The following FSTL5 variants were observed in gnomAD, a reference collection of about 807,000 sequenced individuals.
The protein encoded by FSTL5 is follistatin-related protein 5.
FSTL5 carries 62 observed loss-of-function variants against 89.1 expected under a neutral mutation model. The observed-to-expected ratio is 0.70, with a 90% CI of 0.57 to 0.86. The LOEUF (loss-of-function observed/expected upper bound fraction) is 0.86. Ranked by LOEUF, FSTL5 falls within the 40% of genes least tolerant of loss-of-function variation. The pLI is 0.00. For missense variants in FSTL5, 1,057 were observed against 1,001.6 expected, an observed-to-expected ratio of 1.06 and a Z score of -0.75; for synonymous variants, 383 against 346.2, an observed-to-expected ratio of 1.11 and a Z score of -1.18.
At chr4:162,065,140 C>T (rs1360700513) in intron 2 of FSTL5, among the ~76,000 whole-genome samples, 1 of 151,934 alleles carries the variant, frequency 6.6e-6, no homozygotes, top group African/African-American at 2.4e-5. Flanking sequence ...AGATCTGAAA[C>T]TATAAAACTC....
chr4:161,436,418 T>A (rs1202922195), intron 15 of FSTL5, among the ~76,000 whole-genome samples: 1 of 152,188 alleles, frequency 6.6e-6, no homozygotes, highest in Non-Finnish European at 1.5e-5. Context: ...GGTGAATTAA[T>A]GTTCAATTTT....
intron 15 of FSTL5, among the ~76,000 whole-genome samples, chr4:161,413,262 AAAAAAAAAAAAAAAAAAAAAAT>A (rs1215303257): frequency 6.0e-5 from 1 of 16,704 alleles, no homozygotes; most frequent in Non-Finnish European, 2.0e-4. Context: ...CTCAAAAAAA[AAAAAAAAAAAAAAAAAAAAAAT>A]AAAGACACAC....
chr4:161,779,036 G>C (rs1049088003), intron 4 of FSTL5, among the ~76,000 whole-genome samples: 1 of 152,194 alleles, frequency 6.6e-6, no homozygotes, highest in Admixed American at 6.5e-5. Flanking sequence ...TGGCATTGGG[G>C]AGATCTGAAT....
intron 4 of FSTL5, among the ~76,000 whole-genome samples, chr4:161,862,096 T>C (rs762333871): frequency 4.6e-5 from 7 of 152,226 alleles, no homozygotes; most frequent in Non-Finnish European, 7.3e-5. Flanking sequence ...AAAACATTTT[T>C]AAAACTCTGT....
chr4:161,863,848 G>T (rs1731995176), intron 4 of FSTL5, among the ~76,000 whole-genome samples: 1 of 152,142 alleles, frequency 6.6e-6, no homozygotes, highest in Non-Finnish European at 1.5e-5. Flanking sequence ...GAGGGGTCTG[G>T]CCACTTCTGG....
intron 3 of FSTL5, among the ~76,000 whole-genome samples, chr4:161,979,374 A>C (rs115685231): frequency 0.011 from 1,607 of 152,280 alleles, 36 homozygotes; most frequent in African/African-American, 0.037. Context: ...ATGCCACTAC[A>C]TAAGAGTGTA....
intron 14 of FSTL5, among the ~76,000 whole-genome samples, chr4:161,456,604 T>A (rs942878518): frequency 6.6e-6 from 1 of 152,168 alleles, no homozygotes; most frequent in African/African-American, 2.4e-5. Flanking sequence ...CTTGCCCATA[T>A]TTTTGGTTTT....
intron 4 of FSTL5, among the ~76,000 whole-genome samples, chr4:161,833,939 TA>T (rs1253142720): frequency 3.3e-5 from 5 of 152,146 alleles, no homozygotes; most frequent in Non-Finnish European, 5.9e-5. Context: ...GTTAGCTGGT[TA>T]TTTTGCTCGT....
At chr4:161,697,609 G>A (rs888289834) in intron 6 of FSTL5, among the ~76,000 whole-genome samples, 11 of 151,962 alleles carry the variant, frequency 7.2e-5, no homozygotes, top group South Asian at 2.1e-4. Context: ...CGTAAGTGCC[G>A]GCCAATGGAC....
At position 161,607,432 on chromosome 4, in the gene FSTL5, A is replaced by G. The variant is rs1301817327; in HGVS notation, c.895-19857T>C. Among the ~76,000 whole-genome samples, 3 of 152,148 alleles carry G rather than the reference A, an allele frequency of 2.0e-5. No homozygotes were observed. The East Asian group carries it at 5.8e-4, about 29-fold the overall frequency. On this transcript the variant is annotated intron_variant, in intron 7 of 15. Coordinates refer to ENST00000306100, the MANE Select transcript of FSTL5 (RefSeq NM_020116.5). ...CAGCTGAAATATATATAATACTATA[A>G]AATACTATAAAACTATGGCTTCTTT...
At chr4:161,814,462 T>C (rs933359223) in intron 4 of FSTL5, among the ~76,000 whole-genome samples, 1 of 152,170 alleles carries the variant, frequency 6.6e-6, no homozygotes, top group African/African-American at 2.4e-5. Context: ...ACTGATTACA[T>C]TGGCATTATT....
Position 161,841,286 on chromosome 4 carries a change from A to G in FSTL5, c.410-65212T>C, listed in dbSNP as rs559601514. ...ATTCTAAATGAAATAGAAAAGGAAA[A>G]CCATATGTTATTGTTGCAATTTCTT... On this transcript the variant is annotated intron_variant, in intron 4 of 15. Transcript: ENST00000306100. 3.9e-5 allele frequency among the ~76,000 whole-genome samples: 6 copies of G among 152,282 alleles called. No individual in the cohort carries two copies. The East Asian group carries it at 9.6e-4, about 24-fold the overall frequency.
At chr4:161,926,107 C>G (rs1287835474) in intron 3 of FSTL5, among the ~76,000 whole-genome samples, 1 of 151,806 alleles carries the variant, frequency 6.6e-6, no homozygotes, top group Non-Finnish European at 1.5e-5. Context: ...AACTTCATGG[C>G]AAGGGGCAGT....
At chr4:161,602,253 AAG>A (rs58991875) in intron 7 of FSTL5, among the ~76,000 whole-genome samples, 5,075 of 122,556 alleles carry the variant, frequency 0.041, 113 homozygotes, top group African/African-American at 0.069. Context: ...GAGGGAGAGA[AAG>A]AGAGAGAGAG....
At chr4:161,783,445 ATAC>A (rs979852389) in intron 4 of FSTL5, among the ~76,000 whole-genome samples, 3 of 151,828 alleles carry the variant, frequency 2.0e-5, no homozygotes, top group Admixed American at 2.0e-4. Context: ...TCTTCTCACA[ATAC>A]TACAATTGCT....
chr4:161,829,465 T>A (rs546436437), intron 4 of FSTL5, among the ~76,000 whole-genome samples: 1 of 151,946 alleles, frequency 6.6e-6, no homozygotes, highest in Non-Finnish European at 1.5e-5. Flanking sequence ...TCTACACATA[T>A]CATATTATAA....
intron 4 of FSTL5, among the ~76,000 whole-genome samples, chr4:161,831,203 C>T (rs1268337891): frequency 6.6e-6 from 1 of 151,824 alleles, no homozygotes; most frequent in Non-Finnish European, 1.5e-5. Context: ...TATTTTATAA[C>T]ATCATGTTGT....
chr4:162,001,957 G>A (rs1033496147), intron 3 of FSTL5, among the ~76,000 whole-genome samples: 1 of 151,834 alleles, frequency 6.6e-6, no homozygotes, highest in Non-Finnish European at 1.5e-5. Flanking sequence ...AATAATATAA[G>A]GTTGCAAGGT....
chr4:161,947,456 C>T (rs968807386), intron 3 of FSTL5, among the ~76,000 whole-genome samples: 1 of 151,880 alleles, frequency 6.6e-6, no homozygotes, highest in Admixed American at 6.6e-5. Context: ...TCTTTTTTCA[C>T]CCTATAATCA....
Sources: allele counts gnomAD v4.1 joint callset (sites outside exome capture counted in the v4.1 genomes callset), GRCh38; gene constraint gnomAD v4.1.1; transcripts MANE v1.5; gene names NCBI Gene and HGNC (gene_info 2026-07-23, HGNC 2026-07-21).